The following TNIK variants were observed in gnomAD, a reference collection of about 807,000 sequenced individuals.
The protein encoded by TNIK is TRAF2 and NCK-interacting protein kinase.
In TNIK, 49 loss-of-function variants were observed where a neutral mutation model predicts 191.3. The observed-to-expected ratio is 0.26, with a 90% confidence interval of 0.20 to 0.32. The LOEUF (loss-of-function observed/expected upper bound fraction) is 0.32, where lower values mean the gene tolerates loss of function less well. TNIK is among the 10% of genes least tolerant of loss of function. The probability of loss-of-function intolerance (pLI) is 1.00; values close to 1 mark genes in which losing one functional copy is unlikely to be tolerated. For missense variants in TNIK, 1,155 were observed against 1,702.3 expected, an observed-to-expected ratio of 0.68 and a Z score of 5.66; for synonymous variants, 594 against 600.9, an observed-to-expected ratio of 0.99 and a Z score of 0.17.
chr3:171,347,536 A>G (rs1315287485), intron 2 of TNIK, among the ~76,000 whole-genome samples: 4 of 152,154 alleles, frequency 2.6e-5, no homozygotes, highest in African/African-American at 9.7e-5. Context: ...CTACAAAGCA[A>G]TCAGCAAACT....
chr3:171,372,578 C>T (rs9852487), intron 1 of TNIK, among the ~76,000 whole-genome samples: 3,781 of 152,326 alleles, frequency 0.025, 138 homozygotes, highest in African/African-American at 0.082. Flanking sequence ...GAGAATTATC[C>T]TACCTGGAAG....
At chr3:171,435,898 A>G (rs1430128541) in intron 1 of TNIK, among the ~76,000 whole-genome samples, 1 of 152,226 alleles carries the variant, frequency 6.6e-6, no homozygotes, top group East Asian at 1.9e-4. Flanking sequence ...GTGACAGGCA[A>G]GAAAGACAGA....
intron 1 of TNIK, 107 bp downstream of exon 1, chr3:171,459,900 T>C: frequency 7.3e-7 from 1 of 1,366,930 alleles, no homozygotes. Context: ...CCCGACGCAT[T>C]CTCCCGCTGC....
chr3:171,299,618 T>C (rs925353964), intron 2 of TNIK, among the ~76,000 whole-genome samples: 14 of 152,114 alleles, frequency 9.2e-5, no homozygotes, highest in Admixed American at 9.2e-4. Flanking sequence ...AAGAACAAAA[T>C]GGGGCCAACC....
intron 1 of TNIK, among the ~76,000 whole-genome samples, chr3:171,439,113 G>A (rs1726416735): frequency 1.3e-5 from 2 of 152,140 alleles, no homozygotes; most frequent in Non-Finnish European, 2.9e-5. Context: ...GGGAGGCCGA[G>A]GCAGGCGGAT....
chr3:171,275,756 G>T (rs1013335766), intron 2 of TNIK, among the ~76,000 whole-genome samples: 2 of 152,044 alleles, frequency 1.3e-5, no homozygotes, highest in Non-Finnish European at 2.9e-5. Context: ...AATTAGCCGG[G>T]CGTGGTGGTG....
intron 10 of TNIK, among the ~76,000 whole-genome samples, chr3:171,165,415 C>CAGA (rs1491387073): frequency 5.5e-5 from 4 of 72,792 alleles, no homozygotes; most frequent in Admixed American, 1.5e-4. Context: ...GAACTCATCT[C>CAGA]AAAAAAAAAA....
At chr3:171,188,957 T>G (rs1737694457) in intron 6 of TNIK, 125 bp from the exon 7 acceptor site, 5 of 1,205,762 alleles carry the variant, frequency 4.1e-6, no homozygotes, top group Non-Finnish European at 5.7e-6. Context: ...TTGACCATTT[T>G]CAAATGTACA....
chr3:171,419,746 C>A (rs1254513029), intron 1 of TNIK, among the ~76,000 whole-genome samples: 1 of 152,144 alleles, frequency 6.6e-6, no homozygotes, highest in Non-Finnish European at 1.5e-5. Context: ...CAGTGCCCGA[C>A]AAGTATCCTA....
chr3:171,140,759 T>C (rs912455635), intron 12 of TNIK, among the ~76,000 whole-genome samples: 2 of 152,116 alleles, frequency 1.3e-5, no homozygotes, highest in Admixed American at 1.3e-4. Flanking sequence ...GACGTTCCTG[T>C]TAAGTGTGTT....
intron 1 of TNIK, among the ~76,000 whole-genome samples, chr3:171,373,556 A>G (rs887844164): frequency 6.6e-6 from 1 of 152,108 alleles, no homozygotes; most frequent in African/African-American, 2.4e-5. Flanking sequence ...CTTCTAAGCT[A>G]TTCTCCATAC....
At chr3:171,299,442 A>G (rs2108265476) in intron 2 of TNIK, among the ~76,000 whole-genome samples, 1 of 152,274 alleles carries the variant, frequency 6.6e-6, no homozygotes, top group East Asian at 1.9e-4. Context: ...AGACGGATCT[A>G]TGGAAGTGTG....
chr3:171,081,027 A>G (rs1720607160), intron 27 of TNIK, among the ~76,000 whole-genome samples: 1 of 152,218 alleles, frequency 6.6e-6, no homozygotes, highest in Admixed American at 6.5e-5. Flanking sequence ...AAGAATGAAG[A>G]TGTGCCACTA....
At chr3:171,169,387 C>T (rs964146250) in intron 9 of TNIK, among the ~76,000 whole-genome samples, 3 of 152,050 alleles carry the variant, frequency 2.0e-5, no homozygotes, top group African/African-American at 4.8e-5. Context: ...CCTGCCTCAG[C>T]CTCCTGAGTA....
chr3:171,439,058 G>A (rs940655352), intron 1 of TNIK, among the ~76,000 whole-genome samples: 2 of 152,082 alleles, frequency 1.3e-5, no homozygotes, highest in African/African-American at 2.4e-5. Flanking sequence ...TTTTAAAATC[G>A]GACTAGCCAG....
At chr3:171,306,339 C>G (rs1753449327) in intron 2 of TNIK, among the ~76,000 whole-genome samples, 1 of 152,086 alleles carries the variant, frequency 6.6e-6, no homozygotes, top group African/African-American at 2.4e-5. Context: ...TGTAACAAAC[C>G]TGCACGTGTA....
intron 2 of TNIK, among the ~76,000 whole-genome samples, chr3:171,334,686 A>G (rs1052756457): frequency 1.3e-5 from 2 of 152,154 alleles, no homozygotes; most frequent in Admixed American, 1.3e-4. Context: ...AAGACTCATG[A>G]AGTCTTGAAC....
chr3:171,170,429 G>A (rs1735122051), intron 9 of TNIK, among the ~76,000 whole-genome samples: 1 of 152,168 alleles, frequency 6.6e-6, no homozygotes, highest in African/African-American at 2.4e-5. Context: ...CCTAAAATTT[G>A]CATTGGCCCT....
chr3:171,066,467 A>ATTTTT, intron 31 of TNIK, 109 bp downstream of exon 31: 22 of 1,312,066 alleles, frequency 1.7e-5, no homozygotes, highest in South Asian at 7.2e-5. Context: ...TTATTCACAG[A>ATTTTT]TTTTTTTTTT....
Sources: allele counts gnomAD v4.1 joint callset (sites outside exome capture counted in the v4.1 genomes callset), GRCh38; gene constraint gnomAD v4.1.1; transcripts MANE v1.5; gene names NCBI Gene and HGNC (gene_info 2026-07-23, HGNC 2026-07-21).